Variants in ROBO1 observed in about 807,000 individuals in gnomAD.
ROBO1 encodes roundabout guidance receptor 1, also known as roundabout homolog 1.
A neutral mutation model predicts 195.9 loss-of-function variants in ROBO1; 149 were observed. The ratio of observed to expected loss-of-function variants is 0.76; its 90% CI spans 0.67 to 0.87. The LOEUF (loss-of-function observed/expected upper bound fraction) is 0.87, where lower values mean the gene tolerates loss of function less well. Ranked by LOEUF, ROBO1 falls within the 40% of genes least tolerant of loss-of-function variation. The pLI, the probability that ROBO1 is intolerant of heterozygous loss-of-function variation, is 0.00. For synonymous variants in ROBO1, 816 were observed against 733.2 expected (o/e 1.11, Z -1.82); for missense variants, 1,933 against 2,068.3 (o/e 0.93, Z 1.27).
At chr3:79,265,363 A>G (rs1023402871) in intron 2 of ROBO1, among the ~76,000 whole-genome samples, 1 of 151,660 alleles carries the variant, frequency 6.6e-6, no homozygotes, top group African/African-American at 2.4e-5. Context: ...TCATTTATAA[A>G]TTCTATCCCC....
At chr3:78,608,645 A>T (rs1466396451) in intron 28 of ROBO1, among the ~76,000 whole-genome samples, 1 of 152,154 alleles carries the variant, frequency 6.6e-6, no homozygotes, top group Non-Finnish European at 1.5e-5. Flanking sequence ...TCAATTCTGG[A>T]GGTCAAGAGA....
chr3:79,609,833 C>T (rs991431159), intron 1 of ROBO1, among the ~76,000 whole-genome samples: 2 of 151,478 alleles, frequency 1.3e-5, no homozygotes, highest in African/African-American at 4.9e-5. Context: ...CGGAGGTTTG[C>T]AGGAGTTGAG....
At chr3:79,719,695 G>A (rs1374048956) in intron 1 of ROBO1, among the ~76,000 whole-genome samples, 1 of 152,064 alleles carries the variant, frequency 6.6e-6, no homozygotes, top group East Asian at 1.9e-4. Flanking sequence ...TGCAGAGAGT[G>A]TGGATCTTCA....
At chr3:79,449,114 C>T (rs377061256) in intron 2 of ROBO1, among the ~76,000 whole-genome samples, 155 of 152,058 alleles carry the variant, frequency 1.0e-3, no homozygotes, top group African/African-American at 3.4e-3. Flanking sequence ...ATCTATAATC[C>T]CAGATACTCA....
chr3:79,682,527 A>C (rs1053338026), intron 1 of ROBO1, among the ~76,000 whole-genome samples: 1 of 152,158 alleles, frequency 6.6e-6, no homozygotes, highest in East Asian at 1.9e-4. Context: ...ATCAATAGTC[A>C]ATCTTGGAAA....
chr3:79,582,823 A>G (rs1164051167), intron 2 of ROBO1, among the ~76,000 whole-genome samples: 1 of 152,000 alleles, frequency 6.6e-6, no homozygotes, highest in South Asian at 2.1e-4. Flanking sequence ...ATAAGTTCTC[A>G]TCTTATACAC....
intron 2 of ROBO1, among the ~76,000 whole-genome samples, chr3:79,535,208 A>G (rs1400440737): frequency 1.3e-5 from 2 of 152,262 alleles, no homozygotes; most frequent in African/African-American, 4.8e-5. Flanking sequence ...CGGGAATCTA[A>G]TTCGTATCCA....
intron 8 of ROBO1, among the ~76,000 whole-genome samples, chr3:78,705,887 T>C (rs902810591): frequency 6.6e-6 from 1 of 152,146 alleles, no homozygotes; most frequent in Non-Finnish European, 1.5e-5. Flanking sequence ...AGATGGCAGA[T>C]GGTGGGAATT....
At chr3:79,389,615 G>A (rs923058891) in intron 2 of ROBO1, among the ~76,000 whole-genome samples, 1 of 152,154 alleles carries the variant, frequency 6.6e-6, no homozygotes, top group South Asian at 2.1e-4. Context: ...CATCAGGATT[G>A]GTCACTGTGA....
At chr3:78,645,942 T>A (rs1706252958) in intron 21 of ROBO1, among the ~76,000 whole-genome samples, 1 of 152,104 alleles carries the variant, frequency 6.6e-6, no homozygotes, top group Non-Finnish European at 1.5e-5. Flanking sequence ...TAGTGGTCAC[T>A]GACTAAGATG....
At chr3:78,812,867 TATTTAA>T (rs1324104596) in intron 4 of ROBO1, among the ~76,000 whole-genome samples, 1 of 152,140 alleles carries the variant, frequency 6.6e-6, no homozygotes, top group Non-Finnish European at 1.5e-5. Flanking sequence ...ACTTAACTAT[TATTTAA>T]TCACATAATC....
intron 4 of ROBO1, among the ~76,000 whole-genome samples, chr3:78,865,661 C>T (rs748153906): frequency 2.2e-4 from 34 of 151,844 alleles, no homozygotes; most frequent in Admixed American, 1.1e-3. Flanking sequence ...TTAGTAGAGA[C>T]GGGGTTTCAC....
intron 4 of ROBO1, among the ~76,000 whole-genome samples, chr3:78,776,960 G>A (rs550376822): frequency 1.3e-5 from 2 of 152,222 alleles, no homozygotes; most frequent in South Asian, 2.1e-4. Flanking sequence ...TAACACCTAG[G>A]ACTATTAGCT....
At chr3:79,373,627 A>C (rs1284246944) in intron 2 of ROBO1, among the ~76,000 whole-genome samples, 1 of 152,192 alleles carries the variant, frequency 6.6e-6, no homozygotes, top group Admixed American at 6.6e-5. Context: ...AAAATTATGG[A>C]ATTGTATCTG....
chr3:78,741,698 C>A (rs2082537613), intron 5 of ROBO1, among the ~76,000 whole-genome samples: 1 of 152,082 alleles, frequency 6.6e-6, no homozygotes, highest in African/African-American at 2.4e-5. Context: ...TCCGATTCAT[C>A]TGTATAAGAA....
intron 1 of ROBO1, among the ~76,000 whole-genome samples, chr3:79,592,910 G>A (rs553695406): frequency 6.6e-4 from 100 of 151,898 alleles, no homozygotes; most frequent in African/African-American, 2.1e-3. Context: ...TCCCCCTTCC[G>A]AACCCCTAGA....
intron 5 of ROBO1, among the ~76,000 whole-genome samples, chr3:78,746,257 T>G (rs980962686): frequency 6.6e-6 from 1 of 152,190 alleles, no homozygotes; most frequent in Non-Finnish European, 1.5e-5. Context: ...AAATTCATCA[T>G]TAACCACCTT....
intron 5 of ROBO1, among the ~76,000 whole-genome samples, chr3:78,727,401 C>A (rs1373870300): frequency 6.6e-6 from 1 of 152,020 alleles, no homozygotes; most frequent in Non-Finnish European, 1.5e-5. Context: ...CCGAGGCGGG[C>A]GGATCACAAG....
intron 1 of ROBO1, among the ~76,000 whole-genome samples, chr3:79,702,323 A>G (rs1390385782): frequency 6.6e-6 from 1 of 151,900 alleles, no homozygotes; most frequent in Non-Finnish European, 1.5e-5. Context: ...TCAGGTGGAC[A>G]ATTAGTGAGG....
Sources: gnomAD v4.1 joint callset for allele counts (sites outside exome capture counted in the v4.1 genomes callset) on GRCh38, gnomAD v4.1.1 for gene constraint, MANE v1.5 for transcripts, NCBI Gene and HGNC (gene_info 2026-07-23, HGNC 2026-07-21) for gene names.